UNC5CL: variants seen among roughly 807,000 people sequenced by gnomAD.
UNC5CL encodes unc-5 family C-terminal like.
In UNC5CL, 42 loss-of-function variants were observed where a neutral mutation model predicts 54.1. That is an observed-to-expected ratio of 0.78 (90% CI 0.61 to 1.00). The LOEUF is 1.00. Among genes scored for constraint, UNC5CL ranks in the 50% least tolerant of loss-of-function variants. The pLI, the probability that UNC5CL is intolerant of heterozygous loss-of-function variation, is 0.00. For synonymous variants in UNC5CL, 285 were observed against 285.1 expected (o/e 1.00, Z 0.00); for missense variants, 619 against 675.6 (o/e 0.92, Z 0.93).
chr6:41,030,012 C>T (rs893366467), intron 8 of UNC5CL, among the ~76,000 whole-genome samples: 3 of 152,150 alleles, frequency 2.0e-5, no homozygotes, highest in African/African-American at 7.2e-5. Context: ...GCACTGTCAC[C>T]ATTATTGATA....
intron 5 of UNC5CL, 105 bp downstream of exon 5, chr6:41,031,931 T>TGGCTGCATGGGGGTCTGCAG: frequency 7.7e-7 from 1 of 1,300,680 alleles, no homozygotes; most frequent in Non-Finnish European, 1.1e-6. Context: ...TCTGTGTGCA[T>TGGCTGCATGGGGGTCTGCAG]GGCTGCATGG....
At position 41,028,483 on chromosome 6, in the gene UNC5CL, A is replaced by G; in HGVS notation, c.1447T>C (p.Cys483Arg). Residue 483 changes from cysteine to arginine, a missense_variant, in exon 9 of 9, where the codon TGC becomes CGC. By Grantham distance (180) the Cys-to-Arg change is radical. Coordinates refer to ENST00000244565, the MANE Select transcript of UNC5CL (RefSeq NM_173561.3). This position sits in a 1 kb window ranked among gnomAD's most constrained non-coding sequence, Gnocchi z 4.3. ...AGGTAGTTCTGGATGGCGGAGGCGC[A>G]GTCTAGCCGCTCCATGACGGTCATG... ...YLMTVMERLD[C>R]ASAIQNYLSG... 1 of 1,613,692 alleles carries G rather than the reference A, an allele frequency of 6.2e-7. No individual in the cohort carries two copies. The highest frequency in any genetic ancestry group is 1.1e-5 in the South Asian group (1 of 91,080).
chr6:41,034,707 G>GAGAT lies in UNC5CL; in HGVS notation c.364_367dup (p.Ser123TyrfsTer99), dbSNP rs1762498500. On this transcript the variant is annotated frameshift_variant, in exon 2 of 9. Coordinates refer to ENST00000244565, the MANE Select transcript of UNC5CL (RefSeq NM_173561.3). LOFTEE classifies it high-confidence loss of function. ...GCTGTTACCTGGTGGGATGAGCAAG[G>GAGAT]AGATGCCTGTATCCTGGAGCATCAG... The GAGAT allele has an allele frequency of 1.2e-6, 2 of 1,603,778 alleles. No individual in the cohort carries two copies.
chr6:41,029,536 C>T lies in UNC5CL; in HGVS notation c.1334+852G>A, dbSNP rs1762429359. On this transcript the variant is annotated intron_variant, in intron 8 of 8. Transcript: ENST00000244565. The surrounding 1 kb of genome is among the most constrained non-coding windows in gnomAD (Gnocchi z 4.1). Reference sequence around the variant, plus strand: ...GCTCCTAGGCGCCGGGACCATGCCTCATTCATCTTGTATCATAGTGCTTAG... The same window carrying T: ...GCTCCTAGGCGCCGGGACCATGCCTTATTCATCTTGTATCATAGTGCTTAG... Among the ~76,000 whole-genome samples the T allele has an allele frequency of 6.6e-6, 1 of 152,252 alleles. No individual in the cohort carries two copies. The highest frequency in any genetic ancestry group is 1.5e-5 in the Non-Finnish European group (1 of 68,050).
intron 2 of UNC5CL, 148 bp downstream of exon 2, chr6:41,034,542 G>T: frequency 9.3e-7 from 1 of 1,080,092 alleles, no homozygotes; most frequent in Non-Finnish European, 1.3e-6. Flanking sequence ...TATGTAATAT[G>T]TCCATCCCTG....
chr6:41,030,229 T>C (rs571073091), intron 8 of UNC5CL, among the ~76,000 whole-genome samples, 159 bp downstream of exon 8: 1 of 152,314 alleles, frequency 6.6e-6, no homozygotes, highest in Non-Finnish European at 1.5e-5. Flanking sequence ...GATACAGTGA[T>C]TAATAGAGCT....
chr6:41,031,722 G>A lies in UNC5CL; in HGVS notation c.1078C>T (p.Leu360=). ...ATGGTGACAATGATCTCATTGGTTA[G>A]TGCTGAACAGTCCTCATTCTCATCG... The part of the protein sequence containing the change: ...AADENEDCSA[L]TNEIIVTMHT... The change falls in exon 6 of 9, where the codon CTA becomes TTA. Residue 360 remains leucine (L), a synonymous_variant. Transcript: ENST00000244565. 6.2e-7 allele frequency: 1 copy of A among 1,614,210 alleles called. No homozygotes were observed. Among genetic ancestry groups the A allele is most frequent in the Non-Finnish European group, 8.5e-7 (1 of 1,180,046 alleles).
Position 41,034,738 on chromosome 6 carries a change from C to A in UNC5CL, c.337G>T (p.Gly113Cys). 1 of 1,609,224 alleles carries A rather than the reference C, an allele frequency of 6.2e-7. No individual in the cohort carries two copies. Among genetic ancestry groups the A allele is most frequent in the Non-Finnish European group, 8.5e-7 (1 of 1,179,988 alleles). The change falls in exon 2 of 9, where the codon GGT (glycine) becomes TGT (cysteine). Residue 113 changes from glycine to cysteine, a missense_variant. Physicochemically the swap from Gly to Cys is radical, Grantham distance 159. Coordinates refer to ENST00000244565, the MANE Select transcript of UNC5CL (RefSeq NM_173561.3). The part of the protein sequence containing the change: ...FSAREVDHRG[G>C]CLMLQDTGIS... ...CCTGTATCCTGGAGCATCAGGCAAC[C>A]GCCGCGGTGATCCACCTCTCGAGCC...
At chr6:41,035,224 TCATTCCAGCGCA>T (rs1200003185) in intron 1 of UNC5CL, 89 bp from the exon 2 acceptor site, 1 of 983,560 alleles carries the variant, frequency 1.0e-6, no homozygotes. Context: ...CAAGTTGTCT[TCATTCCAGCGCA>T]CACTGCACAC....
rs116257372 is a variant in UNC5CL, at chr6:41,032,849, G to A, written c.949+35C>T. The A allele has an allele frequency of 1.1e-3, 1,742 of 1,546,654 alleles. 21 individuals carry two copies. In the African/African-American group the frequency reaches 0.019, roughly 17 times the overall value. ...AACCCTTCATTCCTGTGGGGCTCCC[G>A]ATCATCCTATCCCACAGGCCACTGC... On this transcript the variant is annotated intron_variant, in intron 4 of 8. Transcript: ENST00000244565.
chr6:41,028,544 C>T lies in UNC5CL; in HGVS notation c.1386G>A (p.Glu462=), dbSNP rs1223461585. ...SPAAAILELF[E]EQNGSLQELH... ...GCTCCTGCAGGCTGCCGTTCTGCTCCTCAAACAACTCCAGGATGGCCGCTG... is the reference window on the plus strand; with the variant it reads ...GCTCCTGCAGGCTGCCGTTCTGCTCTTCAAACAACTCCAGGATGGCCGCTG... Residue 462 remains glutamate, a synonymous_variant, in exon 9 of 9, where the codon GAG becomes GAA. Transcript: ENST00000244565. This position sits in a 1 kb window ranked among gnomAD's most constrained non-coding sequence, Gnocchi z 4.3. The T allele has an allele frequency of 1.9e-6, 3 of 1,613,780 alleles. No homozygotes were observed. The highest frequency in any genetic ancestry group is 2.5e-6 in the Non-Finnish European group (3 of 1,180,030).
chr6:41,039,049 C>T (rs1028006588), intron 1 of UNC5CL, 113 bp downstream of exon 1: 1 of 152,428 alleles, frequency 6.6e-6, no homozygotes, highest in Non-Finnish European at 1.5e-5. Context: ...GCAGAGGGTC[C>T]CTACACTCCA....
rs1762513255 is a variant in UNC5CL, at chr6:41,035,450, G to T, written c.-61-315C>A. Among the ~76,000 whole-genome samples, 3 of 152,184 alleles carry T rather than the reference G, an allele frequency of 2.0e-5. No individual in the cohort carries two copies. The South Asian group carries it at 6.2e-4, about 32-fold the overall frequency. ...TGTAAGGCAGGAGAGCCCCAAAATT[G>T]GGGCTTAGTTTGGGAGGGTTTGTGG... On this transcript the variant is annotated intron_variant, in intron 1 of 8. Coordinates refer to ENST00000244565, the MANE Select transcript of UNC5CL (RefSeq NM_173561.3).
chr6:41,027,259 C>A lies in UNC5CL; in HGVS notation c.*1114G>T, dbSNP rs1474367143. Reference sequence around the variant, plus strand: ...CTGTCTCTTTCAACAGTCTTTGATACATAACATTGGTTTAGAGACATATGC... The same window carrying A: ...CTGTCTCTTTCAACAGTCTTTGATAAATAACATTGGTTTAGAGACATATGC... On this transcript the variant is annotated 3_prime_UTR_variant, in exon 9 of 9. Transcript: ENST00000244565. 2 of 152,152 alleles carry A rather than the reference C, an allele frequency of 1.3e-5. No homozygotes were observed. The highest frequency in any genetic ancestry group is 2.9e-5 in the Non-Finnish European group (2 of 68,038). The allele number at this position is 152,152 out of a possible 1,614,324, so 9.4% of individuals were successfully genotyped here.
intron 5 of UNC5CL, 130 bp from the exon 6 acceptor site, chr6:41,031,878 C>T: frequency 5.6e-6 from 7 of 1,255,814 alleles, no homozygotes; most frequent in South Asian, 1.3e-5. Flanking sequence ...CTCCATTTTT[C>T]TCTCTGCAAA....
Position 41,033,783 on chromosome 6 carries a change from TAC to T in UNC5CL, c.686+96_686+97del, listed in dbSNP as rs1762483634. 3.0e-6 allele frequency: 4 copies of T among 1,355,380 alleles called. No homozygotes were observed. The African/African-American group carries it at 4.4e-5, about 15-fold the overall frequency. The allele number at this position is 1,355,380 out of a possible 1,614,324, so 84.0% of individuals were successfully genotyped here. A position where few individuals can be genotyped will look rare whatever the true frequency, so the allele number is the denominator to read the frequency against. On this transcript the variant is annotated intron_variant, in intron 3 of 8. Transcript: ENST00000244565. ...TAAAGGATTTGCAGACCATCTTCTA[TAC>T]AGAGAGATGAAGATAAGGCAGACAG...
rs1428953467 is a variant in UNC5CL at position 41,028,600 on chromosome 6, C to G, written c.1335-5G>C. 2 of 1,611,986 alleles carry G rather than the reference C, an allele frequency of 1.2e-6. No homozygotes were observed. Among genetic ancestry groups the G allele is most frequent in the South Asian group, 1.1e-5 (1 of 91,062 alleles). ...CTGCGCTGGCAGGACAGGAACCTGG[C>G]CCGAGGTAGGGGAGGAAGAGAAGGG... is the stretch of plus-strand genomic sequence containing the variant. On this transcript the variant is annotated splice_region_variant and splice_polypyrimidine_tract_variant and intron_variant, in intron 8 of 8. Coordinates refer to ENST00000244565, the MANE Select transcript of UNC5CL (RefSeq NM_173561.3). The surrounding 1 kb of genome is among the most constrained non-coding windows in gnomAD (Gnocchi z 4.3).
At chr6:41,032,235 G>C (rs551932723) in intron 4 of UNC5CL, 98 bp from the exon 5 acceptor site, 1 of 1,001,724 alleles carries the variant, frequency 1.0e-6, no homozygotes, top group African/African-American at 1.6e-5. Context: ...ACAAAGGCAG[G>C]AGGGTCTCAA....
chr6:41,034,068 C>T lies in UNC5CL; in HGVS notation c.499G>A (p.Gly167Ser), dbSNP rs1361130790. 1.9e-6 allele frequency: 3 copies of T among 1,614,182 alleles called. No homozygotes were observed. Among genetic ancestry groups the T allele is most frequent in the Non-Finnish European group, 2.5e-6 (3 of 1,180,018 alleles). Residue 167 changes from glycine (G) to serine (S), a missense_variant, in exon 3 of 9, where the codon GGC becomes AGC. Transcript: ENST00000244565. The stretch of plus-strand genomic sequence containing the variant: ...TTCAGGAAGGAGGCCCCATGGGGGC[C>T]ACATGCCACCACAGGGCTTACCAGC... ...QGLVSPVVAC[G>S]PHGASFLKPC...
Sources: gnomAD v4.1 joint callset for allele counts (sites outside exome capture counted in the v4.1 genomes callset) on GRCh38, gnomAD v4.1.1 for gene constraint, Gnocchi (gnomAD v3.1) non-coding constraint, MANE v1.5 for transcripts, NCBI Gene and HGNC (gene_info 2026-07-23, HGNC 2026-07-21) for gene names.